Variants in SPAG17 observed in about 807,000 individuals in gnomAD.
The protein encoded by SPAG17 is sperm associated antigen 17.
SPAG17 carries 169 observed loss-of-function variants against 273.6 expected under a neutral mutation model. The ratio of observed to expected loss-of-function variants is 0.62; its 90% confidence interval spans 0.55 to 0.70. The LOEUF (loss-of-function observed/expected upper bound fraction) is 0.70, where lower values mean the gene tolerates loss of function less well. SPAG17 is among the 30% of genes least tolerant of loss of function. SPAG17 has a pLI of 0.00. For synonymous variants in SPAG17, 825 were observed against 873.2 expected (o/e 0.94, Z 0.97); for missense variants, 2,557 against 2,627.8 (o/e 0.97, Z 0.59).
At chr1:118,002,690 C>G (rs1327636837) in intron 32 of SPAG17, among the ~76,000 whole-genome samples, 1 of 152,216 alleles carries the variant, frequency 6.6e-6, no homozygotes, top group Middle Eastern at 3.4e-3. Flanking sequence ...AGATCTTCCT[C>G]TATCCCTTTA....
At chr1:118,062,479 T>C (rs535701695) in intron 18 of SPAG17, among the ~76,000 whole-genome samples, 59 of 151,590 alleles carry the variant, frequency 3.9e-4, no homozygotes, top group African/African-American at 1.3e-3. Flanking sequence ...CATATCAACA[T>C]TGTTATCAGA....
At position 118,005,504 on chromosome 1, in the gene SPAG17, C is replaced by G; in HGVS notation, c.4686G>C (p.Lys1562Asn). Residue 1562 changes from lysine (K) to asparagine (N), a missense_variant, in exon 32 of 49, where the codon AAG becomes AAC. Physicochemically the swap from Lys to Asn is moderately conservative, Grantham distance 94. Coordinates refer to ENST00000336338, the MANE Select transcript of SPAG17 (RefSeq NM_206996.4). The part of the protein sequence containing the change: ...SSSNIYYPFQ[K>N]REQLRAGRYI... ...ACCTGCCAGCTCGCAGCTGCTCACGCTTTTGAAAAGGATAGTATATATTAC... is the reference window on the plus strand; with the variant it reads ...ACCTGCCAGCTCGCAGCTGCTCACGGTTTTGAAAAGGATAGTATATATTAC... 6.2e-7 allele frequency: 1 copy of G among 1,613,564 alleles called. No homozygotes were observed. Among genetic ancestry groups the G allele is most frequent in the Non-Finnish European group, 8.5e-7 (1 of 1,179,734 alleles).
chr1:117,957,067 G>T (rs758945317), intron 48 of SPAG17: 102 of 1,549,390 alleles, frequency 6.6e-5, no homozygotes, highest in African/African-American at 1.4e-5. Flanking sequence ...TTCTTTTTCA[G>T]TGAGCTGGAA....
chr1:118,066,001 G>C (rs574928317), intron 18 of SPAG17, among the ~76,000 whole-genome samples: 2 of 151,984 alleles, frequency 1.3e-5, no homozygotes, highest in African/African-American at 2.4e-5. Context: ...CAGCTTAACT[G>C]TTCAAGGTGT....
intron 48 of SPAG17, chr1:117,955,222 G>C: frequency 9.6e-7 from 1 of 1,036,960 alleles, no homozygotes; most frequent in South Asian, 1.6e-5. Context: ...AAGTAAGAAG[G>C]AGGGGTTCCT....
chr1:118,034,927 A>G (rs1648901196), intron 24 of SPAG17, among the ~76,000 whole-genome samples: 2 of 152,180 alleles, frequency 1.3e-5, no homozygotes, highest in African/African-American at 4.8e-5. Flanking sequence ...AGTAATGTCC[A>G]AAGATTTGAT....
intron 44 of SPAG17, among the ~76,000 whole-genome samples, chr1:117,972,729 T>C (rs1654703652): frequency 6.6e-6 from 1 of 152,126 alleles, no homozygotes; most frequent in African/African-American, 2.4e-5. Context: ...TATATATGTA[T>C]ATTACAATAA....
rs182892584 is a variant in SPAG17 at position 118,079,348 on chromosome 1, T to G, written c.2209+1753A>C. 2.9e-4 allele frequency among the ~76,000 whole-genome samples: 44 copies of G among 152,228 alleles called. 1 individual carries two copies. In the East Asian group the frequency reaches 7.7e-3, roughly 27 times the overall value. On this transcript the variant is annotated intron_variant, in intron 15 of 48. Transcript: ENST00000336338. Reference sequence around the variant, plus strand: ...TTTTACTTTCACATTTAGTCAAAGTTGTTTATATTATCTTGCAATCTTTTA... The same window carrying G: ...TTTTACTTTCACATTTAGTCAAAGTGGTTTATATTATCTTGCAATCTTTTA...
At chr1:118,128,014 T>G (rs896958644) in intron 3 of SPAG17, among the ~76,000 whole-genome samples, 1 of 151,900 alleles carries the variant, frequency 6.6e-6, no homozygotes, top group Non-Finnish European at 1.5e-5. Flanking sequence ...CTAACCTACT[T>G]GGGAGGCTGA....
At chr1:117,989,511 C>G (rs1656825439) in intron 38 of SPAG17, among the ~76,000 whole-genome samples, 1 of 151,962 alleles carries the variant, frequency 6.6e-6, no homozygotes, top group South Asian at 2.1e-4. Flanking sequence ...ATGAGGGATC[C>G]ACCCCCATGA....
In SPAG17 at chr1:118,066,756, A is replaced by G; in HGVS notation, c.2529T>C (p.Asn843=). 1 of 1,608,628 alleles carries G rather than the reference A, an allele frequency of 6.2e-7. No individual in the cohort carries two copies. The highest frequency in any genetic ancestry group is 8.5e-7 in the Non-Finnish European group (1 of 1,178,606). ...CEYWNIALHS[N]VGFRNYLELV... ...TCCAAATTTGTTACCTGAATCCAAC[A>G]TTGGAGTGGAGAGCAATGTTCCAAT... Residue 843 remains asparagine, a synonymous_variant, in exon 18 of 49, where the codon AAT becomes AAC. Coordinates refer to ENST00000336338, the MANE Select transcript of SPAG17 (RefSeq NM_206996.4).
chr1:117,953,668 AT>A lies in SPAG17; in HGVS notation c.*381del. 1 of 833,170 alleles carries A rather than the reference AT, an allele frequency of 1.2e-6. No homozygotes were observed. The highest frequency in any genetic ancestry group is 1.9e-6 in the Non-Finnish European group (1 of 535,160). 51.6% of individuals were successfully genotyped at this position (833,170 alleles called of 1,614,324 possible). On this transcript the variant is annotated 3_prime_UTR_variant, in exon 49 of 49. Transcript: ENST00000336338. ...AAGTTGATGAGATTTAAAGATGGGG[AT>A]TATAACCTGTTTCCTTCTCTTGTAA... is the stretch of plus-strand genomic sequence containing the variant.
chr1:118,055,498 T>G (rs1311934686), intron 19 of SPAG17, among the ~76,000 whole-genome samples: 1 of 152,194 alleles, frequency 6.6e-6, no homozygotes, highest in Non-Finnish European at 1.5e-5. Context: ...AGATGGAATC[T>G]TCCAGATTTG....
chr1:117,979,148 C>A (rs1571129207), intron 43 of SPAG17, among the ~76,000 whole-genome samples: 1 of 152,160 alleles, frequency 6.6e-6, no homozygotes, highest in Admixed American at 6.5e-5. Context: ...GGATTACAGG[C>A]ATGAGCCACC....
At chr1:118,095,032 C>A (rs1480752334) in intron 7 of SPAG17, among the ~76,000 whole-genome samples, 3 of 152,152 alleles carry the variant, frequency 2.0e-5, no homozygotes, top group Non-Finnish European at 4.4e-5. Flanking sequence ...ATTAATGTTT[C>A]AATTCTGAAG....
chr1:118,011,723 A>G (rs568827087), intron 30 of SPAG17, among the ~76,000 whole-genome samples: 18 of 152,204 alleles, frequency 1.2e-4, no homozygotes, highest in South Asian at 6.2e-4. Flanking sequence ...AAAGTTTTAA[A>G]TAAATGAATA....
At chr1:117,998,099 C>T (rs1657861797) in intron 32 of SPAG17, among the ~76,000 whole-genome samples, 2 of 152,086 alleles carry the variant, frequency 1.3e-5, no homozygotes, top group Non-Finnish European at 2.9e-5. Context: ...GTTGCAATTG[C>T]TTTTGGTGTC....
chr1:118,089,843 G>A (rs1466838629), intron 10 of SPAG17, among the ~76,000 whole-genome samples: 2 of 152,136 alleles, frequency 1.3e-5, no homozygotes, highest in African/African-American at 4.8e-5. Context: ...CGTGTCGAGG[G>A]AGGGAGGTGA....
At chr1:118,008,740 T>G (rs938853317) in intron 30 of SPAG17, among the ~76,000 whole-genome samples, 2 of 152,190 alleles carry the variant, frequency 1.3e-5, no homozygotes, top group African/African-American at 4.8e-5. Context: ...GTACTGTCAT[T>G]CTACACCTGC....
Sources: allele counts gnomAD v4.1 joint callset (sites outside exome capture counted in the v4.1 genomes callset), GRCh38; gene constraint gnomAD v4.1.1; transcripts MANE v1.5; gene names NCBI Gene and HGNC (gene_info 2026-07-23, HGNC 2026-07-21).